The following PDSS2 variants were observed in gnomAD, a reference collection of about 807,000 sequenced individuals.
The protein encoded by PDSS2 is decaprenyl diphosphate synthase subunit 2.
A neutral mutation model predicts 44.5 loss-of-function variants in PDSS2; 31 were observed. The observed-to-expected ratio is 0.70, with a 90% CI of 0.52 to 0.94. PDSS2 has a LOEUF of 0.94. Among genes scored for constraint, PDSS2 ranks in the 40% least tolerant of loss-of-function variants. The probability of loss-of-function intolerance (pLI) is 0.00; values close to 1 mark genes in which losing one functional copy is unlikely to be tolerated. For synonymous variants in PDSS2, 157 were observed against 180.3 expected, an observed-to-expected ratio of 0.87 and a Z score of 1.03; for missense variants, 452 against 482.2, an observed-to-expected ratio of 0.94 and a Z score of 0.59.
At chr6:107,374,357 AC>A (rs1207257697) in intron 1 of PDSS2, among the ~76,000 whole-genome samples, 4 of 151,832 alleles carry the variant, frequency 2.6e-5, no homozygotes, top group Admixed American at 6.6e-5. Context: ...ACAAAAACTT[AC>A]CCCCTCATCC....
chr6:107,158,404 C>T (rs1015654216), intron 7 of PDSS2, among the ~76,000 whole-genome samples: 4 of 151,752 alleles, frequency 2.6e-5, no homozygotes, highest in East Asian at 2.0e-4. Context: ...AGGCTGGTCT[C>T]GAACTCCTGA....
At chr6:107,227,956 T>C (rs995165326) in intron 4 of PDSS2, among the ~76,000 whole-genome samples, 16 of 152,214 alleles carry the variant, frequency 1.1e-4, no homozygotes, top group Admixed American at 3.9e-4. Flanking sequence ...CTCACCAGCC[T>C]ATAGACAGAT....
rs1194379874 is a variant in PDSS2, at chr6:107,152,810, C to A, written c.*1809G>T. The A allele has an allele frequency of 6.6e-6, 1 of 152,196 alleles. No individual in the cohort carries two copies. The highest frequency in any genetic ancestry group is 1.5e-5 in the Non-Finnish European group (1 of 68,046). The allele number at this position is 152,196 out of a possible 1,614,324, so 9.4% of individuals were successfully genotyped here. A position where few individuals can be genotyped will look rare whatever the true frequency, so the allele number is the denominator to read the frequency against. ...GAAGTTCCTGCACATCCAACCAGCA[C>A]ACCTAACGCAAAGTATGACTTCTTT... On this transcript the variant is annotated 3_prime_UTR_variant, in exon 8 of 8. Transcript: ENST00000369037.
At chr6:107,190,092 A>AC (rs1485073929) in intron 7 of PDSS2, among the ~76,000 whole-genome samples, 2 of 151,710 alleles carry the variant, frequency 1.3e-5, no homozygotes, top group African/African-American at 4.8e-5. Context: ...TCTAAAAAAA[A>AC]AAAACAAAAA....
At chr6:107,166,524 C>T (rs564638277) in intron 7 of PDSS2, among the ~76,000 whole-genome samples, 1 of 152,160 alleles carries the variant, frequency 6.6e-6, no homozygotes, top group South Asian at 2.1e-4. Context: ...GCCACCACGC[C>T]TGGCTATTTT....
At chr6:107,221,591 A>G (rs1350432990) in intron 4 of PDSS2, among the ~76,000 whole-genome samples, 1 of 152,150 alleles carries the variant, frequency 6.6e-6, no homozygotes, top group African/African-American at 2.4e-5. Context: ...TTGCTGAAGT[A>G]AGGCTGGTTC....
intron 1 of PDSS2, among the ~76,000 whole-genome samples, chr6:107,437,775 A>G (rs996275346): frequency 8.5e-5 from 13 of 152,112 alleles, no homozygotes; most frequent in African/African-American, 3.1e-4. Flanking sequence ...GTTCTAACCC[A>G]TTTTGTTCAA....
At chr6:107,224,001 T>C (rs112747436) in intron 4 of PDSS2, among the ~76,000 whole-genome samples, 11 of 151,142 alleles carry the variant, frequency 7.3e-5, no homozygotes, top group African/African-American at 2.7e-4. Flanking sequence ...CTCAAAGAAG[T>C]GTGAACCCCG....
rs556611526 is a variant in PDSS2 at position 107,345,231 on chromosome 6, C to A, written c.297-10899G>T. ...ATGAGTATTCCCTTAGTACTCAGTG[C>A]TTTCCTCAACTTGCAGTTCCAGTTT... On this transcript the variant is annotated intron_variant, in intron 1 of 7. Transcript: ENST00000369037. Among the ~76,000 whole-genome samples, 12 of 151,574 alleles carry A rather than the reference C, an allele frequency of 7.9e-5. No individual in the cohort carries two copies. The East Asian group carries it at 2.1e-3, about 27-fold the overall frequency.
intron 2 of PDSS2, among the ~76,000 whole-genome samples, chr6:107,313,954 C>T (rs577970897): frequency 1.3e-5 from 2 of 151,896 alleles, no homozygotes. Context: ...CGTTCAAGAC[C>T]AGCCTGGGCA....
intron 6 of PDSS2, among the ~76,000 whole-genome samples, chr6:107,203,422 G>A (rs1258734759): frequency 6.6e-6 from 1 of 151,868 alleles, no homozygotes; most frequent in Non-Finnish European, 1.5e-5. Flanking sequence ...ACTCTGATTG[G>A]GCTTTTCTCT....
At chr6:107,167,267 GA>G (rs1163487585) in intron 7 of PDSS2, among the ~76,000 whole-genome samples, 1 of 152,192 alleles carries the variant, frequency 6.6e-6, no homozygotes, top group Non-Finnish European at 1.5e-5. Context: ...TATTTGCATA[GA>G]GGTGTTTATA....
chr6:107,246,421 G>A (rs1050298242), intron 3 of PDSS2, among the ~76,000 whole-genome samples: 1 of 152,028 alleles, frequency 6.6e-6, no homozygotes, highest in African/African-American at 2.4e-5. Context: ...ATTCCTCAAG[G>A]CAACCCCATC....
chr6:107,297,489 T>C (rs1776548855), intron 2 of PDSS2, among the ~76,000 whole-genome samples: 2 of 151,402 alleles, frequency 1.3e-5, no homozygotes, highest in Non-Finnish European at 2.9e-5. Flanking sequence ...TTCACACCAT[T>C]CTCCTGCCTC....
chr6:107,166,931 A>C (rs1360082654), intron 7 of PDSS2, among the ~76,000 whole-genome samples: 1 of 152,146 alleles, frequency 6.6e-6, no homozygotes, highest in Non-Finnish European at 1.5e-5. Flanking sequence ...TATTGGTCTA[A>C]AATTCTCTTT....
rs1322954558 is a variant in PDSS2, at chr6:107,224,010, C to T, written c.703-11728G>A. 2.6e-5 allele frequency among the ~76,000 whole-genome samples: 4 copies of T among 151,148 alleles called. 1 individual carries two copies. Among genetic ancestry groups the T allele is most frequent in the African/African-American group, 4.9e-5 (2 of 40,550 alleles). On this transcript the variant is annotated intron_variant, in intron 4 of 7. Coordinates refer to ENST00000369037, the MANE Select transcript of PDSS2 (RefSeq NM_020381.4). ...TAGATTCTCAAAGAAGTGTGAACCCCGTTGTGAACTGTGCATGCCAGGGAT... is the reference window on the plus strand; with the variant it reads ...TAGATTCTCAAAGAAGTGTGAACCCTGTTGTGAACTGTGCATGCCAGGGAT...
intron 1 of PDSS2, among the ~76,000 whole-genome samples, chr6:107,388,232 AG>A (rs1455079855): frequency 6.6e-6 from 1 of 152,228 alleles, no homozygotes; most frequent in African/African-American, 2.4e-5. Context: ...AAAATGAAAA[AG>A]GACACTATTA....
At chr6:107,431,026 G>A (rs948655819) in intron 1 of PDSS2, among the ~76,000 whole-genome samples, 11 of 152,154 alleles carry the variant, frequency 7.2e-5, no homozygotes, top group African/African-American at 2.7e-4. Flanking sequence ...AGAAAATCAC[G>A]TTGGGTTCTG....
chr6:107,187,172 A>G (rs932866259), intron 7 of PDSS2, among the ~76,000 whole-genome samples: 2 of 152,142 alleles, frequency 1.3e-5, no homozygotes, highest in Admixed American at 6.5e-5. Flanking sequence ...TTTCTTCTCT[A>G]TGTTACTTGG....
Sources: gnomAD v4.1 joint callset for allele counts (sites outside exome capture counted in the v4.1 genomes callset) on GRCh38, gnomAD v4.1.1 for gene constraint, MANE v1.5 for transcripts, NCBI Gene and HGNC (gene_info 2026-07-23, HGNC 2026-07-21) for gene names.